Variants in NANOS3 observed in about 807,000 individuals in gnomAD.
The protein encoded by NANOS3 is nanos C2HC-type zinc finger 3, also known as nanos homolog 3.
NANOS3 carries 11 observed loss-of-function variants against 13.8 expected under a neutral mutation model. The ratio of observed to expected loss-of-function variants is 0.80; its 90% CI spans 0.50 to 1.32. The LOEUF is 1.32. Among genes scored for constraint, NANOS3 ranks in the 40% most tolerant of loss-of-function variants. NANOS3 has a pLI of 0.00. For missense variants in NANOS3, 221 were observed against 263.8 expected, an observed-to-expected ratio of 0.84 and a Z score of 1.12; for synonymous variants, 119 against 115.4, an observed-to-expected ratio of 1.03 and a Z score of -0.20.
intron 1 of NANOS3, among the ~76,000 whole-genome samples, chr19:13,870,008 G>C (rs977641989): frequency 2.0e-5 from 3 of 151,892 alleles, no homozygotes; most frequent in Non-Finnish European, 4.4e-5. Context: ...ACCCCTGGGA[G>C]CTTGGAGACC....
At chr19:13,869,967 A>G (rs1266257748) in intron 1 of NANOS3, among the ~76,000 whole-genome samples, 2 of 152,022 alleles carry the variant, frequency 1.3e-5, no homozygotes, top group Non-Finnish European at 2.9e-5. Context: ...AGACTTCAAG[A>G]ATCACGGGCA....
rs1968528675 is a variant in NANOS3 at position 13,877,175 on chromosome 19, A to G, written c.-74A>G. 2 of 1,300,306 alleles carry G rather than the reference A, an allele frequency of 1.5e-6. No individual in the cohort carries two copies. Among genetic ancestry groups the G allele is most frequent in the African/African-American group, 2.9e-5 (2 of 68,400 alleles). 80.5% of individuals were successfully genotyped at this position (1,300,306 alleles called of 1,614,324 possible). ...AAGGAAGGGGCAGCAGAGAGGGGTC[A>G]GAAGGAGGGAGCTTAAGCCAGGCAG... On this transcript the variant is annotated 5_prime_UTR_variant, in exon 1 of 2. Coordinates refer to ENST00000339133, the MANE Select transcript of NANOS3 (RefSeq NM_001098622.3).
chr19:13,878,340 G>C (rs958867679), intron 1 of NANOS3, among the ~76,000 whole-genome samples: 5 of 151,856 alleles, frequency 3.3e-5, no homozygotes, highest in Non-Finnish European at 7.4e-5. Flanking sequence ...CCGGGTTCAA[G>C]CGATTCTTCT....
upstream of NANOS3, among the ~76,000 whole-genome samples, chr19:13,864,568 G>T (rs978619701): frequency 1.7e-4 from 26 of 152,040 alleles, no homozygotes; most frequent in Admixed American, 1.4e-3. Flanking sequence ...CATGTATTAG[G>T]TTATTTTGTG....
intron 1 of NANOS3, chr19:13,865,453 G>C (rs981650917): frequency 6.8e-6 from 1 of 146,306 alleles, no homozygotes; most frequent in Non-Finnish European, 1.5e-5. Flanking sequence ...CGCGGGCGCC[G>C]GGCGGGCCGG....
intron 1 of NANOS3, among the ~76,000 whole-genome samples, 185 bp downstream of exon 1, chr19:13,877,950 T>C (rs1968553228): frequency 6.6e-6 from 1 of 152,112 alleles, no homozygotes; most frequent in Non-Finnish European, 1.5e-5. Flanking sequence ...TTTCTGTTGC[T>C]CAGGCTGGAG....
chr19:13,863,555 G>C (rs1012106570), upstream of NANOS3, among the ~76,000 whole-genome samples: 1 of 151,994 alleles, frequency 6.6e-6, no homozygotes, highest in Non-Finnish European at 1.5e-5. Context: ...CTGGCCGGCA[G>C]GGGGGCGGGC....
chr19:13,880,594 T>C lies in NANOS3; in HGVS notation c.*91T>C. On this transcript the variant is annotated 3_prime_UTR_variant, in exon 2 of 2. Transcript: ENST00000339133. ...GACGACTGCCCCCACTCCCAGACCCTCCCCCCAGCCTGGGATTGAGCCCTG... is the reference window on the plus strand; with the variant it reads ...GACGACTGCCCCCACTCCCAGACCCCCCCCCCAGCCTGGGATTGAGCCCTG... The C allele has an allele frequency of 5.7e-6, 6 of 1,057,120 alleles. No individual in the cohort carries two copies. The highest frequency in any genetic ancestry group is 1.3e-5 in the South Asian group (1 of 74,340). 65.5% of individuals were successfully genotyped at this position (1,057,120 alleles called of 1,614,324 possible). A position where few individuals can be genotyped will look rare whatever the true frequency, so the allele number is the denominator to read the frequency against.
chr19:13,871,175 G>A (rs1247830596), intron 1 of NANOS3, among the ~76,000 whole-genome samples: 1 of 152,126 alleles, frequency 6.6e-6, no homozygotes, highest in Admixed American at 6.6e-5. Context: ...CAGGGGACAG[G>A]AGGGGACAGG....
At chr19:13,870,914 C>A (rs1028207981) in intron 1 of NANOS3, among the ~76,000 whole-genome samples, 3 of 151,824 alleles carry the variant, frequency 2.0e-5, no homozygotes, top group Non-Finnish European at 4.4e-5. Flanking sequence ...TCCCCCACAC[C>A]CCACTTATCC....
chr19:13,867,714 T>G (rs1181684869), intron 1 of NANOS3, among the ~76,000 whole-genome samples: 1 of 151,914 alleles, frequency 6.6e-6, no homozygotes, highest in African/African-American at 2.4e-5. Context: ...AATCTTGATA[T>G]ACACACACAT....
intron 1 of NANOS3, among the ~76,000 whole-genome samples, chr19:13,866,226 C>T (rs1272961899): frequency 6.6e-6 from 1 of 152,162 alleles, no homozygotes; most frequent in Non-Finnish European, 1.5e-5. Flanking sequence ...TTTAAAGCTA[C>T]AGGGCGCCTT....
At chr19:13,878,164 G>A (rs752627790) in intron 1 of NANOS3, among the ~76,000 whole-genome samples, 4 of 148,830 alleles carry the variant, frequency 2.7e-5, no homozygotes, top group African/African-American at 7.4e-5. Context: ...TCCTGATCTC[G>A]TGATCCGCCC....
At chr19:13,876,907 A>T (rs993675502), upstream of NANOS3, among the ~76,000 whole-genome samples, 1 of 152,022 alleles carries the variant, frequency 6.6e-6, no homozygotes, top group Non-Finnish European at 1.5e-5. Context: ...TAGCCCCCCA[A>T]TTCCCTGGAG....
intron 1 of NANOS3, among the ~76,000 whole-genome samples, chr19:13,879,473 C>T (rs966879437): frequency 1.3e-5 from 2 of 152,150 alleles, no homozygotes; most frequent in Non-Finnish European, 2.9e-5. Flanking sequence ...TGATGGCTTA[C>T]ACCTGTAATC....
intron 1 of NANOS3, among the ~76,000 whole-genome samples, chr19:13,870,560 CTTTTTT>C (rs34524831): frequency 2.8e-5 from 2 of 71,624 alleles, no homozygotes; most frequent in African/African-American, 6.5e-5. Context: ...GATAGCGTGG[CTTTTTT>C]TTTTTTTTTT....
chr19:13,863,987 G>C (rs1222769614), upstream of NANOS3, among the ~76,000 whole-genome samples: 1 of 152,074 alleles, frequency 6.6e-6, no homozygotes, highest in Non-Finnish European at 1.5e-5. Context: ...CCAGTCAAAG[G>C]TTTCTCCATC....
At chr19:13,863,225 T>TA (rs1976183179), upstream of NANOS3, among the ~76,000 whole-genome samples, 2 of 152,044 alleles carry the variant, frequency 1.3e-5, no homozygotes, top group Non-Finnish European at 2.9e-5. Context: ...GCTCTTTTTT[T>TA]TAGAGATGAA....
rs1405754129 is a variant in NANOS3 at position 13,869,772 on chromosome 19, ACG to A, written n.21+4337_21+4338del. Among the ~76,000 whole-genome samples the A allele has an allele frequency of 1.4e-4, 21 of 149,002 alleles. No individual in the cohort carries two copies. In the Middle Eastern group the frequency reaches 0.014, roughly 97 times the overall value. On this transcript the variant is annotated intron_variant and non_coding_transcript_variant, in intron 1 of 2. Transcript: ENST00000591161. ...CCCAAGTACACACACACACACACGC[ACG>A]CACACACACACACACACGCACACAC...
Sources: allele counts gnomAD v4.1 joint callset (sites outside exome capture counted in the v4.1 genomes callset), GRCh38; gene constraint gnomAD v4.1.1; transcripts MANE v1.5; gene names NCBI Gene and HGNC (gene_info 2026-07-23, HGNC 2026-07-21).